DDX46: variants seen among roughly 807,000 people sequenced by gnomAD.
The protein encoded by DDX46 is probable ATP-dependent RNA helicase DDX46.
DDX46 carries 30 observed loss-of-function variants against 134.9 expected under a neutral mutation model. That is an observed-to-expected ratio of 0.22 (90% CI 0.17 to 0.30). The LOEUF is 0.30. DDX46 is among the 10% of genes least tolerant of loss of function. DDX46 has a pLI of 1.00. For synonymous variants in DDX46, 415 were observed against 404.1 expected, an observed-to-expected ratio of 1.03 and a Z score of -0.32; for missense variants, 622 against 1,248.7, an observed-to-expected ratio of 0.50 and a Z score of 7.56.
Position 134,816,655 on chromosome 5 carries a change from G to T in DDX46, c.2613+49G>T, listed in dbSNP as rs749054550. On this transcript the variant is annotated intron_variant, in intron 19 of 22. Coordinates refer to ENST00000452510, the MANE Select transcript of DDX46 (RefSeq NM_001300860.2). ...AGTCAATACTTTTAAGAAGTTCTTT[G>T]ATTTTACTTTTCAGGAATTATGTTG... 7 of 1,561,240 alleles carry T rather than the reference G, an allele frequency of 4.5e-6. No homozygotes were observed. The African/African-American group carries it at 6.8e-5, about 15-fold the overall frequency.
intron 15 of DDX46, among the ~76,000 whole-genome samples, chr5:134,801,267 C>G (rs981236194): frequency 6.6e-6 from 1 of 151,948 alleles, no homozygotes; most frequent in Non-Finnish European, 1.5e-5. Context: ...AGAGTGAGAC[C>G]CTGTCTCAAA....
intron 16 of DDX46, among the ~76,000 whole-genome samples, chr5:134,809,398 C>T (rs1338574666): frequency 3.9e-5 from 6 of 152,174 alleles, no homozygotes; most frequent in East Asian, 1.9e-4. Flanking sequence ...GATGGAGTCT[C>T]GCTCTGTTGC....
At chr5:134,773,665 C>A in intron 4 of DDX46, 31 bp from the exon 5 acceptor site, 1 of 1,546,060 alleles carries the variant, frequency 6.5e-7, no homozygotes, top group Non-Finnish European at 8.7e-7. Flanking sequence ...TTTATTTTCC[C>A]CCATCTCTTT....
At chr5:134,805,332 T>C (rs1489837963) in intron 15 of DDX46, among the ~76,000 whole-genome samples, 1 of 152,020 alleles carries the variant, frequency 6.6e-6, no homozygotes, top group Non-Finnish European at 1.5e-5. Flanking sequence ...CACGCCTGGC[T>C]AAATTTTGTA....
At chr5:134,764,147 A>G (rs1580768600) in intron 2 of DDX46, 55 bp downstream of exon 2, 1 of 1,518,314 alleles carries the variant, frequency 6.6e-7, no homozygotes, top group Non-Finnish European at 8.9e-7. Context: ...CTTCTCGGCT[A>G]TAGCAGGCTT....
chr5:134,810,592 C>T (rs902344109), intron 16 of DDX46, among the ~76,000 whole-genome samples: 1 of 151,896 alleles, frequency 6.6e-6, no homozygotes, highest in Non-Finnish European at 1.5e-5. Context: ...ATCCACCCCC[C>T]CTTGGCCTCC....
At chr5:134,793,326 C>T (rs566945169) in intron 13 of DDX46, among the ~76,000 whole-genome samples, 1 of 152,338 alleles carries the variant, frequency 6.6e-6, no homozygotes, top group South Asian at 2.1e-4. Flanking sequence ...AAGCTGCACA[C>T]TGACTTATGC....
rs1409899038 is a variant in DDX46, at chr5:134,829,410, T to C, written c.*704T>C. 2 of 152,202 alleles carry C rather than the reference T, an allele frequency of 1.3e-5. No individual in the cohort carries two copies. Among genetic ancestry groups the C allele is most frequent in the Admixed American group, 6.5e-5 (1 of 15,268 alleles). 9.4% of individuals were successfully genotyped at this position (152,202 alleles called of 1,614,324 possible). A position where few individuals can be genotyped will look rare whatever the true frequency, so the allele number is the denominator to read the frequency against. ...CTGGCTCCATACCTAGCCCCTCTTT[T>C]ATAATCTTCCTTAAAAGAAAGAGTG... On this transcript the variant is annotated 3_prime_UTR_variant, in exon 23 of 23. Transcript: ENST00000452510.
At chr5:134,821,941 GGAGT>G (rs1245852503) in intron 21 of DDX46, among the ~76,000 whole-genome samples, 1 of 146,618 alleles carries the variant, frequency 6.8e-6, no homozygotes, top group African/African-American at 2.5e-5. Context: ...TGCCCAGGCT[GGAGT>G]GCAATGGTGC....
chr5:134,820,976 G>C (rs921090955), intron 21 of DDX46, among the ~76,000 whole-genome samples: 1 of 144,368 alleles, frequency 6.9e-6, no homozygotes, highest in Non-Finnish European at 1.5e-5. Flanking sequence ...AGTAATTCTC[G>C]TGCCTCAGCC....
At chr5:134,779,217 G>A (rs1007620076) in intron 6 of DDX46, among the ~76,000 whole-genome samples, 3 of 151,550 alleles carry the variant, frequency 2.0e-5, no homozygotes, top group Non-Finnish European at 4.4e-5. Flanking sequence ...TTTTTGAGAT[G>A]GAGTCTTGCT....
rs766500146 is a variant in DDX46 at position 134,758,966 on chromosome 5, GC to G, written c.17+12del. 1 of 1,611,126 alleles carries G rather than the reference GC, an allele frequency of 6.2e-7. No individual in the cohort carries two copies. Among genetic ancestry groups the G allele is most frequent in the South Asian group, 1.1e-5 (1 of 91,054 alleles). On this transcript the variant is annotated intron_variant, in intron 1 of 22. Transcript: ENST00000452510. ...GGGTCGGGAGTCACGGTGAGGCAGA[GC>G]GCCGAGCGGGCTAGCGGGCGAGCGG... is the stretch of plus-strand genomic sequence containing the variant.
intron 4 of DDX46, among the ~76,000 whole-genome samples, chr5:134,772,810 C>G (rs1298250234): frequency 6.6e-6 from 1 of 152,124 alleles, no homozygotes; most frequent in Non-Finnish European, 1.5e-5. Flanking sequence ...CTGGCCTATT[C>G]ATTTTTTTGA....
intron 9 of DDX46, among the ~76,000 whole-genome samples, chr5:134,783,856 T>C (rs1280562509): frequency 2.6e-5 from 4 of 151,190 alleles, no homozygotes; most frequent in Admixed American, 1.3e-4. Context: ...GCCTTTTTTT[T>C]TTTTTTTTTT....
At chr5:134,797,167 C>CAAAA (rs61547263) in intron 15 of DDX46, 827 of 22,806 alleles carry the variant, frequency 0.036, 100 homozygotes, top group East Asian at 0.057. Context: ...AACTCCGTCT[C>CAAAA]AAAAAAAAAA....
At chr5:134,781,297 T>A (rs764811025) in intron 7 of DDX46, 51 bp downstream of exon 7, 1 of 1,389,252 alleles carries the variant, frequency 7.2e-7, no homozygotes, top group Admixed American at 2.3e-5. Context: ...TGGAAGCATT[T>A]ATTAGAAAGC....
At chr5:134,822,415 T>C (rs1755481019) in intron 21 of DDX46, among the ~76,000 whole-genome samples, 1 of 151,636 alleles carries the variant, frequency 6.6e-6, no homozygotes, top group Admixed American at 6.6e-5. Flanking sequence ...TTACTGTAGC[T>C]TCAAACTCCA....
chr5:134,763,756 A>AT (rs922469646), intron 1 of DDX46, 148 bp from the exon 2 acceptor site: 15 of 951,314 alleles, frequency 1.6e-5, no homozygotes, highest in South Asian at 3.7e-5. Context: ...AGAAGGGTTC[A>AT]TTTTTTCCCT....
rs1755295955 is a variant in DDX46, at chr5:134,816,677, G to T, written c.2613+71G>T. The T allele has an allele frequency of 2.1e-6, 3 of 1,447,216 alleles. No homozygotes were observed. In the South Asian group the frequency reaches 3.7e-5, roughly 18 times the overall value. 89.6% of individuals were successfully genotyped at this position (1,447,216 alleles called of 1,614,324 possible). The stretch of plus-strand genomic sequence containing the variant: ...TTTGATTTTACTTTTCAGGAATTAT[G>T]TTGAACACAAGTAAACAAGTTGTCC... On this transcript the variant is annotated intron_variant, in intron 19 of 22. Transcript: ENST00000452510.
Sources: gnomAD v4.1 joint callset for allele counts (sites outside exome capture counted in the v4.1 genomes callset) on GRCh38, gnomAD v4.1.1 for gene constraint, MANE v1.5 for transcripts, NCBI Gene and HGNC (gene_info 2026-07-23, HGNC 2026-07-21) for gene names.